Variants in ITFG1 observed in about 807,000 individuals in gnomAD.
ITFG1 encodes T-cell immunomodulatory protein.
ITFG1 carries 34 observed loss-of-function variants against 81.8 expected under a neutral mutation model. That is an observed-to-expected ratio of 0.42 (90% confidence interval 0.32 to 0.55). The LOEUF is 0.55. Among genes scored for constraint, ITFG1 ranks in the 20% least tolerant of loss-of-function variants. The pLI, the probability that ITFG1 is intolerant of heterozygous loss-of-function variation, is 0.17. For missense variants in ITFG1, 672 were observed against 755.4 expected, an observed-to-expected ratio of 0.89 and a Z score of 1.29; for synonymous variants, 285 against 270.6, an observed-to-expected ratio of 1.05 and a Z score of -0.52.
At chr16:47,286,694 T>A (rs970823702) in intron 10 of ITFG1, among the ~76,000 whole-genome samples, 11 of 151,786 alleles carry the variant, frequency 7.2e-5, no homozygotes, top group Admixed American at 2.6e-4. Flanking sequence ...GGCTGTCAGA[T>A]GGCAGCCTTC....
intron 6 of ITFG1, among the ~76,000 whole-genome samples, chr16:47,402,121 C>T (rs918477984): frequency 2.6e-5 from 4 of 152,104 alleles, no homozygotes; most frequent in Admixed American, 1.3e-4. Flanking sequence ...ACTGAATAAC[C>T]AAAATGGCAG....
chr16:47,283,785 A>G (rs1279307068), intron 10 of ITFG1, among the ~76,000 whole-genome samples: 1 of 152,242 alleles, frequency 6.6e-6, no homozygotes, highest in East Asian at 1.9e-4. Flanking sequence ...CTATGGCAAT[A>G]GGAAACTAAT....
intron 10 of ITFG1, among the ~76,000 whole-genome samples, chr16:47,267,264 G>C (rs183548112): frequency 1.3e-5 from 2 of 152,134 alleles, no homozygotes; most frequent in Non-Finnish European, 2.9e-5. Flanking sequence ...AAGAAAGCTG[G>C]AGTGACAATA....
At chr16:47,402,289 TTATATGTC>T (rs1968671432) in intron 6 of ITFG1, among the ~76,000 whole-genome samples, 1 of 152,250 alleles carries the variant, frequency 6.6e-6, no homozygotes, top group Non-Finnish European at 1.5e-5. Flanking sequence ...ATAAAAATGT[TTATATGTC>T]TATAAGTATA....
chr16:47,366,452 C>T (rs187008140), intron 7 of ITFG1, among the ~76,000 whole-genome samples: 1 of 152,288 alleles, frequency 6.6e-6, no homozygotes, highest in East Asian at 1.9e-4. Flanking sequence ...CAGCCATGTG[C>T]TGACTGAGAA....
At chr16:47,335,386 C>T (rs887023131) in intron 8 of ITFG1, among the ~76,000 whole-genome samples, 1 of 151,884 alleles carries the variant, frequency 6.6e-6, no homozygotes, top group East Asian at 1.9e-4. Context: ...GACAAAAAAA[C>T]AAACCCAAAA....
At chr16:47,436,790 A>T (rs1405459362) in intron 5 of ITFG1, among the ~76,000 whole-genome samples, 1 of 152,204 alleles carries the variant, frequency 6.6e-6, no homozygotes, top group African/African-American at 2.4e-5. Context: ...TGTTCAAAGT[A>T]AGCAGCTGGA....
intron 10 of ITFG1, among the ~76,000 whole-genome samples, chr16:47,301,619 C>T (rs1372668453): frequency 1.3e-5 from 2 of 152,122 alleles, no homozygotes; most frequent in Non-Finnish European, 2.9e-5. Context: ...TGGTCTTGAA[C>T]TCCTGACCTC....
chr16:47,439,928 A>G (rs1232677453), intron 5 of ITFG1, among the ~76,000 whole-genome samples: 2 of 152,224 alleles, frequency 1.3e-5, no homozygotes, highest in East Asian at 3.8e-4. Flanking sequence ...AGTTTGCTGT[A>G]TTCAGGAAAC....
At chr16:47,233,965 T>TC (rs1236657746) in intron 13 of ITFG1, among the ~76,000 whole-genome samples, 6 of 152,124 alleles carry the variant, frequency 3.9e-5, no homozygotes, top group African/African-American at 1.4e-4. Flanking sequence ...AATAATTGCC[T>TC]CCAACACAAC....
intron 5 of ITFG1, among the ~76,000 whole-genome samples, chr16:47,429,273 G>A (rs1430306715): frequency 6.6e-6 from 1 of 152,182 alleles, no homozygotes; most frequent in Non-Finnish European, 1.5e-5. Flanking sequence ...CATCCATGTT[G>A]AAACATGTAT....
intron 9 of ITFG1, 51 bp from the exon 10 acceptor site, chr16:47,311,463 T>A (rs557492435): frequency 1.2e-4 from 167 of 1,400,880 alleles, no homozygotes; most frequent in Non-Finnish European, 1.4e-4. Flanking sequence ...TATAAAAAAA[T>A]TTATAATTTG....
chr16:47,426,546 T>C (rs575218850), intron 6 of ITFG1, among the ~76,000 whole-genome samples: 14 of 148,872 alleles, frequency 9.4e-5, no homozygotes, highest in African/African-American at 2.7e-4. Context: ...ACACTAAAAA[T>C]AATATGTTTT....
chr16:47,262,256 A>G (rs1333440140), intron 10 of ITFG1, among the ~76,000 whole-genome samples: 1 of 152,230 alleles, frequency 6.6e-6, no homozygotes, highest in Non-Finnish European at 1.5e-5. Context: ...TTACTTGGAA[A>G]ACTCTCAGGT....
At chr16:47,189,436 C>G (rs1227335303) in intron 14 of ITFG1, among the ~76,000 whole-genome samples, 1 of 152,176 alleles carries the variant, frequency 6.6e-6, no homozygotes, top group Non-Finnish European at 1.5e-5. Context: ...CTATTCTGGA[C>G]CTTTCATATA....
chr16:47,212,390 AT>A (rs568876524), intron 14 of ITFG1, among the ~76,000 whole-genome samples: 1 of 151,932 alleles, frequency 6.6e-6, no homozygotes, highest in South Asian at 2.1e-4. Context: ...ATTTAAAAAA[AT>A]TTTTTTGTAG....
intron 14 of ITFG1, among the ~76,000 whole-genome samples, chr16:47,169,136 A>G (rs1964928227): frequency 6.6e-6 from 1 of 152,150 alleles, no homozygotes; most frequent in Admixed American, 6.6e-5. Context: ...GCTTTGTAGT[A>G]ACTTTTGAAT....
At position 47,212,518 on chromosome 16, in the gene ITFG1, A is replaced by T. The variant is rs1214902374; in HGVS notation, c.1453+6350T>A. On this transcript the variant is annotated intron_variant, in intron 14 of 17. Transcript: ENST00000320640. ...AGGCATGAGCCATCCATCGCACTCT[A>T]CCAGTTAACTGTATTTTAAATGTGT... is the stretch of plus-strand genomic sequence containing the variant. Among the ~76,000 whole-genome samples, 3 of 152,220 alleles carry T rather than the reference A, an allele frequency of 2.0e-5. No homozygotes were observed. The South Asian group carries it at 6.2e-4, about 31-fold the overall frequency.
intron 14 of ITFG1, among the ~76,000 whole-genome samples, chr16:47,198,305 G>A (rs913060457): frequency 1.3e-5 from 2 of 152,128 alleles, no homozygotes; most frequent in Non-Finnish European, 2.9e-5. Context: ...ATAAAAGATG[G>A]TGGTCCCATA....
Sources: allele counts gnomAD v4.1 joint callset (sites outside exome capture counted in the v4.1 genomes callset), GRCh38; gene constraint gnomAD v4.1.1; transcripts MANE v1.5; gene names NCBI Gene and HGNC (gene_info 2026-07-23, HGNC 2026-07-21).